The following CNTN4 variants were observed in gnomAD, a reference collection of about 807,000 sequenced individuals.
The protein encoded by CNTN4 is contactin-4.
In CNTN4, 77 loss-of-function variants were observed where a neutral mutation model predicts 122.5. The observed-to-expected ratio is 0.63, with a 90% CI of 0.52 to 0.76. CNTN4 has a LOEUF of 0.76. CNTN4 is among the 30% of genes least tolerant of loss of function. The pLI is 0.00. For synonymous variants in CNTN4, 512 were observed against 447.0 expected (o/e 1.15, Z -1.83); for missense variants, 1,256 against 1,259.1 (o/e 1.00, Z 0.04).
intron 3 of CNTN4, among the ~76,000 whole-genome samples, chr3:2,346,208 G>A (rs143718300): frequency 3.3e-3 from 496 of 151,644 alleles, no homozygotes; most frequent in African/African-American, 0.012. Flanking sequence ...TTATTATTTC[G>A]GACGTTTCAC....
chr3:2,202,327 G>A (rs1255406839), intron 2 of CNTN4, among the ~76,000 whole-genome samples: 5 of 152,096 alleles, frequency 3.3e-5, no homozygotes, highest in Admixed American at 6.5e-5. Flanking sequence ...GGTTGCTTAC[G>A]CTTTCTGTGG....
chr3:2,234,265 C>G lies in CNTN4; in HGVS notation c.-144-104913C>G, dbSNP rs188016016. On this transcript the variant is annotated intron_variant, in intron 2 of 24. Transcript: ENST00000418658. ...TGGTAACGCACACCTGTAATCCCAGCTACTTGGGAGGCTGAGGCAGGAGAA... is the reference window on the plus strand; with the variant it reads ...TGGTAACGCACACCTGTAATCCCAGGTACTTGGGAGGCTGAGGCAGGAGAA... Among the ~76,000 whole-genome samples the G allele has an allele frequency of 2.1e-3, 313 of 147,514 alleles. 1 individual carries two copies. Among genetic ancestry groups the G allele is most frequent in the African/African-American group, 7.5e-3 (300 of 40,186 alleles).
At chr3:2,113,209 C>T (rs11918632) in intron 2 of CNTN4, among the ~76,000 whole-genome samples, 5,453 of 152,216 alleles carry the variant, frequency 0.036, 188 homozygotes, top group African/African-American at 0.087. Context: ...CTGAATATAA[C>T]ATAATAAATT....
chr3:2,349,460 A>G (rs1666342), intron 3 of CNTN4, among the ~76,000 whole-genome samples: 138,023 of 152,164 alleles, frequency 0.91, 63,014 homozygotes, highest in East Asian at 1. Flanking sequence ...GAAGAACACA[A>G]TGTAATTCCC....
At position 2,796,522 on chromosome 3, in the gene CNTN4, A is replaced by G. The variant is rs557618991; in HGVS notation, c.359-22964A>G. The stretch of plus-strand genomic sequence containing the variant: ...AGAAAAAAATGAAGAGCTAGAATCT[A>G]AAAATAAAACCCGTACTTAATACAC... On this transcript the variant is annotated intron_variant, in intron 6 of 24. Coordinates refer to ENST00000418658, the MANE Select transcript of CNTN4 (RefSeq NM_175607.3). 5.3e-5 allele frequency among the ~76,000 whole-genome samples: 8 copies of G among 152,320 alleles called. No homozygotes were observed. The East Asian group carries it at 1.5e-3, about 29-fold the overall frequency.
intron 2 of CNTN4, among the ~76,000 whole-genome samples, chr3:2,103,696 G>A (rs12491638): frequency 0.19 from 29,263 of 150,826 alleles, 3,183 homozygotes; most frequent in Admixed American, 0.3. Flanking sequence ...CTTTTCCTAT[G>A]AGCTTTGCAA....
chr3:2,955,880 A>G (rs2094794358), intron 13 of CNTN4, among the ~76,000 whole-genome samples: 1 of 152,198 alleles, frequency 6.6e-6, no homozygotes, highest in Admixed American at 6.5e-5. Context: ...CATCAACATC[A>G]TGACATGTCC....
chr3:2,867,736 C>T (rs2093739895), intron 8 of CNTN4, among the ~76,000 whole-genome samples: 1 of 151,868 alleles, frequency 6.6e-6, no homozygotes, highest in African/African-American at 2.4e-5. Context: ...CACCCTGCCA[C>T]CCAACCATGC....
At chr3:2,562,996 G>A (rs1199790994) in intron 3 of CNTN4, among the ~76,000 whole-genome samples, 8 of 152,060 alleles carry the variant, frequency 5.3e-5, no homozygotes, top group Non-Finnish European at 8.8e-5. Flanking sequence ...CCAAAGTGCT[G>A]GGATTATAGG....
intron 24 of CNTN4, among the ~76,000 whole-genome samples, chr3:3,055,056 G>A (rs1347965976): frequency 6.6e-6 from 1 of 152,172 alleles, no homozygotes; most frequent in Non-Finnish European, 1.5e-5. Flanking sequence ...CCTCTGCTAA[G>A]GGGTGATATG....
At chr3:2,840,372 C>T (rs973692832) in intron 7 of CNTN4, among the ~76,000 whole-genome samples, 3 of 151,934 alleles carry the variant, frequency 2.0e-5, no homozygotes, top group African/African-American at 7.2e-5. Flanking sequence ...CCCTTCTCCT[C>T]CTCTTTCTCC....
chr3:2,934,900 AAGAGAGCTTATACCGCTCTTCAAATTC>A (rs1160028394), intron 13 of CNTN4, among the ~76,000 whole-genome samples: 1 of 152,228 alleles, frequency 6.6e-6, no homozygotes, highest in African/African-American at 2.4e-5. Context: ...GCAGTTACGA[AAGAGAGCTTATACCGCTCTTCAAATTC>A]AGACCTAGAA....
chr3:2,392,881 C>T (rs547660653), intron 3 of CNTN4, among the ~76,000 whole-genome samples: 39 of 152,182 alleles, frequency 2.6e-4, no homozygotes, highest in African/African-American at 9.2e-4. Context: ...AAACTCATTC[C>T]TCCTATTTAA....
intron 4 of CNTN4, among the ~76,000 whole-genome samples, chr3:2,621,198 G>A (rs945488016): frequency 7.2e-5 from 11 of 152,086 alleles, no homozygotes; most frequent in African/African-American, 2.2e-4. Context: ...CCTTCTCATC[G>A]CTGATGTATA....
chr3:2,645,233 G>A (rs2083068469), intron 4 of CNTN4, among the ~76,000 whole-genome samples: 1 of 152,070 alleles, frequency 6.6e-6, no homozygotes, highest in African/African-American at 2.4e-5. Context: ...AAGCCAGTTA[G>A]TGACATTATT....
chr3:2,427,283 A>G (rs1234183632), intron 3 of CNTN4, among the ~76,000 whole-genome samples: 1 of 152,090 alleles, frequency 6.6e-6, no homozygotes, highest in African/African-American at 2.4e-5. Flanking sequence ...CTTTGTTCTC[A>G]TTGGTTTCAA....
chr3:2,755,092 C>G (rs536438708), intron 6 of CNTN4, among the ~76,000 whole-genome samples: 31 of 152,140 alleles, frequency 2.0e-4, no homozygotes, highest in Admixed American at 1.4e-3. Flanking sequence ...GATTTTTGAG[C>G]CCAGATCCTT....
intron 2 of CNTN4, among the ~76,000 whole-genome samples, chr3:2,165,980 C>T (rs2036177315): frequency 6.6e-6 from 1 of 151,784 alleles, no homozygotes; most frequent in Non-Finnish European, 1.5e-5. Context: ...TCTTCAATAT[C>T]AGGGCTATTT....
chr3:2,400,404 A>AATATATATATATATATATAT (rs36082705), intron 3 of CNTN4, among the ~76,000 whole-genome samples: 3 of 91,426 alleles, frequency 3.3e-5, no homozygotes, highest in African/African-American at 1.1e-4. Flanking sequence ...TATGTGTGTG[A>AATATATATATATATATATAT]ATATATATAT....
Sources: gnomAD v4.1 joint callset for allele counts (sites outside exome capture counted in the v4.1 genomes callset) on GRCh38, gnomAD v4.1.1 for gene constraint, MANE v1.5 for transcripts, NCBI Gene and HGNC (gene_info 2026-07-23, HGNC 2026-07-21) for gene names.